Variants in PDC observed in about 807,000 individuals in gnomAD.
The protein encoded by PDC is 33 kDa phototransducing protein.
PDC carries 19 observed loss-of-function variants against 22.2 expected under a neutral mutation model. The observed-to-expected ratio is 0.86, with a 90% CI of 0.60 to 1.26. The LOEUF (loss-of-function observed/expected upper bound fraction) is 1.26. Among genes scored for constraint, PDC ranks in the 50% most tolerant of loss-of-function variants. The probability of loss-of-function intolerance (pLI) is 0.00; values close to 1 mark genes in which losing one functional copy is unlikely to be tolerated. For missense variants in PDC, 274 were observed against 286.8 expected (o/e 0.96, Z 0.32); for synonymous variants, 97 against 96.2 (o/e 1.01, Z -0.05).
intron 3 of PDC, 118 bp downstream of exon 3, chr1:186,446,308 C>T: frequency 1.4e-6 from 1 of 693,086 alleles, no homozygotes; most frequent in East Asian, 3.1e-5. Flanking sequence ...TTTTTTTTGC[C>T]AGCGTAAGCA....
At chr1:186,452,449 G>T (rs970193752) in intron 1 of PDC, among the ~76,000 whole-genome samples, 5 of 152,082 alleles carry the variant, frequency 3.3e-5, no homozygotes. Context: ...TGTTGTCCAG[G>T]CTGGTCTCGA....
chr1:186,446,371 T>C, intron 3 of PDC, 55 bp downstream of exon 3: 1 of 1,317,234 alleles, frequency 7.6e-7, no homozygotes. Flanking sequence ...CTAGATTGAT[T>C]TAGATTAGAA....
At chr1:186,454,306 G>A (rs1431383643) in intron 1 of PDC, among the ~76,000 whole-genome samples, 1 of 150,612 alleles carries the variant, frequency 6.6e-6, no homozygotes, top group African/African-American at 2.4e-5. Context: ...AGCCTCCCAA[G>A]TAGCTGGGAT....
rs1416098257 is a variant in PDC, at chr1:186,444,283, T to G, written c.437A>C (p.Lys146Thr). Residue 146 changes from lysine (K) to threonine (T), a missense_variant, in exon 4 of 4, where the codon AAG (lysine) becomes ACG (threonine). By Grantham distance (78) the Lys-to-Thr change is moderately conservative (BLOSUM62 -1). Coordinates refer to ENST00000391997, the MANE Select transcript of PDC (RefSeq NM_002597.5). The stretch of plus-strand genomic sequence containing the variant: ...ACTACTGTTTAGAGCATCACAACCC[T>G]TAATACCATCTTCATAAATGTGAAC... The part of the protein sequence containing the change: ...IVVHIYEDGI[K>T]GCDALNSSLT... 6.2e-7 allele frequency: 1 copy of G among 1,613,900 alleles called. No individual in the cohort carries two copies. Among genetic ancestry groups the G allele is most frequent in the African/African-American group, 1.3e-5 (1 of 75,054 alleles).
chr1:186,444,357 C>T lies in PDC; in HGVS notation c.363G>A (p.Lys121=), dbSNP rs750290018. ...CCTTTTCAATTGTTTCTAGGAATTG[C>T]TTTCCAGTTTCCAGCTCATACACAA... The part of the protein sequence containing the change: ...YGFVYELETG[K]QFLETIEKEL... Residue 121 remains lysine (K), a synonymous_variant, in exon 4 of 4, where the codon AAG becomes AAA. Coordinates refer to ENST00000391997, the MANE Select transcript of PDC (RefSeq NM_002597.5). 4 of 1,613,962 alleles carry T rather than the reference C, an allele frequency of 2.5e-6. No individual in the cohort carries two copies. The highest frequency in any genetic ancestry group is 3.4e-6 in the Non-Finnish European group (4 of 1,179,996).
Position 186,443,963 on chromosome 1 carries a change from T to C in PDC, c.*16A>G, listed in dbSNP as rs999034136. The stretch of plus-strand genomic sequence containing the variant: ...ATACCTAAAGGATAAACATGAGATA[T>C]TGACATAGTGAATCTTCATTCAACA... On this transcript the variant is annotated 3_prime_UTR_variant, in exon 4 of 4. Transcript: ENST00000391997. 1.3e-5 allele frequency: 21 copies of C among 1,573,554 alleles called. 1 individual carries two copies. In the Middle Eastern group the frequency reaches 5.0e-4, roughly 38 times the overall value.
rs565350927 is a variant in PDC, at chr1:186,450,633, G to A, written c.-24-1150C>T. Among the ~76,000 whole-genome samples the A allele has an allele frequency of 2.0e-3, 297 of 152,050 alleles. 3 individuals carry two copies. Among genetic ancestry groups the A allele is most frequent in the African/African-American group, 6.6e-3 (275 of 41,474 alleles). ...TAGGATTCAGCCACCACACCCTGCCGGTTTATAGTATTTTTGACAGGCTAA... is the reference window on the plus strand; with the variant it reads ...TAGGATTCAGCCACCACACCCTGCCAGTTTATAGTATTTTTGACAGGCTAA... On this transcript the variant is annotated intron_variant, in intron 1 of 3. Transcript: ENST00000391997.
chr1:186,450,626 C>A (rs1356849736), intron 1 of PDC, among the ~76,000 whole-genome samples: 1 of 152,104 alleles, frequency 6.6e-6, no homozygotes, highest in Admixed American at 6.5e-5. Flanking sequence ...AGCCACCACA[C>A]CCTGCCGGTT....
chr1:186,455,971 C>CAAAA (rs1213649798), intron 1 of PDC, among the ~76,000 whole-genome samples: 140 of 8,642 alleles, frequency 0.016, 31 homozygotes, highest in Non-Finnish European at 0.023. Flanking sequence ...GACTCCGTCT[C>CAAAA]AAAAAAAAAA....
chr1:186,444,000 T>C lies in PDC; in HGVS notation c.720A>G (p.Ile240Met), dbSNP rs1236648869. The change falls in exon 4 of 4, where the codon ATA becomes ATG. Residue 240 changes from isoleucine to methionine, a missense_variant. Ile to Met is a conservative substitution (Grantham distance 10). Coordinates refer to ENST00000391997, the MANE Select transcript of PDC (RefSeq NM_002597.5). ...REVHVLEHTK[I>M]EEEDVE ...ATCTTCATTCAACATCTTCTTCTTC[T>C]ATTTTGGTATGCTCTAGGACATGTA... is the stretch of plus-strand genomic sequence containing the variant. 1 of 1,605,978 alleles carries C rather than the reference T, an allele frequency of 6.2e-7. No homozygotes were observed. The highest frequency in any genetic ancestry group is 8.5e-7 in the Non-Finnish European group (1 of 1,174,824).
intron 2 of PDC, among the ~76,000 whole-genome samples, chr1:186,447,300 C>A (rs531962802): frequency 6.6e-6 from 1 of 152,130 alleles, no homozygotes; most frequent in Admixed American, 6.6e-5. Flanking sequence ...AGGCGCATAC[C>A]ACCACGCCTG....
intron 1 of PDC, among the ~76,000 whole-genome samples, chr1:186,458,346 A>C (rs60982539): frequency 0.14 from 21,508 of 149,272 alleles, 1,770 homozygotes; most frequent in African/African-American, 0.22. Flanking sequence ...AAAATAATTC[A>C]AAGGAAAGAG....
intron 3 of PDC, among the ~76,000 whole-genome samples, chr1:186,445,341 A>G (rs149920445): frequency 3.3e-5 from 5 of 152,322 alleles, no homozygotes; most frequent in African/African-American, 4.8e-5. Context: ...AGATTATGTT[A>G]TCTAATCCTT....
In PDC at chr1:186,444,094, G is replaced by C; in HGVS notation, c.626C>G (p.Ala209Gly). 2 of 1,613,866 alleles carry C rather than the reference G, an allele frequency of 1.2e-6. No homozygotes were observed. The highest frequency in any genetic ancestry group is 1.7e-6 in the Non-Finnish European group (2 of 1,179,878). The change falls in exon 4 of 4, where the codon GCT becomes GGT. Residue 209 changes from alanine (A) to glycine (G), a missense_variant. Coordinates refer to ENST00000391997, the MANE Select transcript of PDC (RefSeq NM_002597.5). ...SNFISVAEQF[A>G]EEFFAGDVES... ...CACATCCCCAGCAAAAAATTCTTCA[G>C]CAAACTGTTCAGCAACACTAATAAA...
At chr1:186,444,720 C>G (rs542008768) in intron 3 of PDC, among the ~76,000 whole-genome samples, 47 of 152,118 alleles carry the variant, frequency 3.1e-4, no homozygotes, top group Admixed American at 2.9e-3. Context: ...AGGTCCCCAT[C>G]TCACACTCTC....
At position 186,444,224 on chromosome 1, in the gene PDC, T is replaced by G. The variant is rs745433454; in HGVS notation, c.496A>C (p.Lys166Gln). Residue 166 changes from lysine to glutamine, a missense_variant, in exon 4 of 4, where the codon AAG (lysine) becomes CAG (glutamine). Transcript: ENST00000391997. ...TTCGAAGCTTTTATTTTACAAAACT[T>G]AACTATAGGGTATTCTGCTGCAAGG... ...TCLAAEYPIV[K>Q]FCKIKASNTG... The G allele has an allele frequency of 2.2e-5, 35 of 1,614,070 alleles. 3 individuals are homozygous for G. In the South Asian group the frequency reaches 3.8e-4, roughly 18 times the overall value.
intron 1 of PDC, among the ~76,000 whole-genome samples, chr1:186,457,544 A>G (rs763114812): frequency 2.6e-5 from 4 of 152,038 alleles, no homozygotes; most frequent in Non-Finnish European, 4.4e-5. Context: ...TCCCTTTTGC[A>G]TTTATGTTGT....
At chr1:186,458,223 A>ATTCTTTTT (rs1553242983) in intron 1 of PDC, among the ~76,000 whole-genome samples, 2 of 73,970 alleles carry the variant, frequency 2.7e-5, no homozygotes. Context: ...ACATACAGAT[A>ATTCTTTTT]TTCTTTTTTT....
intron 3 of PDC, 86 bp downstream of exon 3, chr1:186,446,340 G>A (rs1662226977): frequency 1.0e-6 from 1 of 990,352 alleles, no homozygotes; most frequent in East Asian, 2.6e-5. Flanking sequence ...AATATATTTT[G>A]TAATAGTCTA....
Sources: allele counts gnomAD v4.1 joint callset (sites outside exome capture counted in the v4.1 genomes callset), GRCh38; gene constraint gnomAD v4.1.1; transcripts MANE v1.5; gene names NCBI Gene and HGNC (gene_info 2026-07-23, HGNC 2026-07-21).